SLC25A21: variants seen among roughly 807,000 people sequenced by gnomAD.
The protein encoded by SLC25A21 is mitochondrial 2-oxodicarboxylate carrier.
SLC25A21 carries 47 observed loss-of-function variants against 43.8 expected under a neutral mutation model. That is an observed-to-expected ratio of 1.07 (90% CI 0.85 to 1.37). SLC25A21 has a LOEUF of 1.37. SLC25A21 is among the 40% of genes most tolerant of loss of function. SLC25A21 has a pLI of 0.00. For synonymous variants in SLC25A21, 131 were observed against 121.3 expected, an observed-to-expected ratio of 1.08 and a Z score of -0.52; for missense variants, 352 against 350.2, an observed-to-expected ratio of 1.00 and a Z score of -0.04.
At position 37,052,751 on chromosome 14, in the gene SLC25A21, G is replaced by T. The variant is rs533825284; in HGVS notation, c.70+119530C>A. 1.2e-4 allele frequency among the ~76,000 whole-genome samples: 18 copies of T among 152,060 alleles called. 1 individual carries two copies. In the South Asian group the frequency reaches 3.7e-3, roughly 32 times the overall value. On this transcript the variant is annotated intron_variant, in intron 1 of 9. Transcript: ENST00000331299. ...CCTCCCAGGTTCAAGCGATTCTTGT[G>T]CCTCAGCCTCCAGAGTAGCTGGAAT...
At chr14:36,759,801 C>T (rs1184528411) in intron 3 of SLC25A21, 2 of 152,216 alleles carry the variant, frequency 1.3e-5, no homozygotes, top group African/African-American at 4.8e-5. Context: ...AACCCCGTCT[C>T]TATTAAAAAT....
At chr14:37,070,066 T>C (rs1962140666) in intron 1 of SLC25A21, among the ~76,000 whole-genome samples, 1 of 152,202 alleles carries the variant, frequency 6.6e-6, no homozygotes, top group South Asian at 2.1e-4. Flanking sequence ...ATTTCATTCA[T>C]GTGTCTCCTT....
intron 7 of SLC25A21, 118 bp from the exon 8 acceptor site, chr14:36,685,043 T>A (rs1882475546): frequency 1.4e-6 from 1 of 695,852 alleles, no homozygotes; most frequent in Non-Finnish European, 2.2e-6. Flanking sequence ...CCTCCTGTTA[T>A]TCCAGCGGAA....
rs1891729191 is a variant in SLC25A21 at position 36,912,808 on chromosome 14, T to G, written c.71-37804A>C. On this transcript the variant is annotated intron_variant, in intron 1 of 9. Coordinates refer to ENST00000331299, the MANE Select transcript of SLC25A21 (RefSeq NM_030631.4). ...ACCCAGTCAAGTTAGGTGCCCATCTTATCTTGCACACAATGGATCACATTC... is the reference window on the plus strand; with the variant it reads ...ACCCAGTCAAGTTAGGTGCCCATCTGATCTTGCACACAATGGATCACATTC... 2.6e-5 allele frequency among the ~76,000 whole-genome samples: 4 copies of G among 152,322 alleles called. No individual in the cohort carries two copies. The South Asian group carries it at 8.3e-4, about 32-fold the overall frequency.
At chr14:37,163,496 A>G (rs923921344) in intron 1 of SLC25A21, among the ~76,000 whole-genome samples, 1 of 152,114 alleles carries the variant, frequency 6.6e-6, no homozygotes, top group Non-Finnish European at 1.5e-5. Flanking sequence ...AAACATAATA[A>G]AAGATATTAA....
intron 1 of SLC25A21, among the ~76,000 whole-genome samples, chr14:36,904,277 G>A (rs1891475019): frequency 6.6e-6 from 1 of 152,162 alleles, no homozygotes; most frequent in Non-Finnish European, 1.5e-5. Context: ...GGGAGAATCT[G>A]AAATAAATCA....
At chr14:36,968,830 G>A (rs983115682) in intron 1 of SLC25A21, among the ~76,000 whole-genome samples, 5 of 152,156 alleles carry the variant, frequency 3.3e-5, no homozygotes, top group South Asian at 2.1e-4. Context: ...CTTTCCCAGG[G>A]AGAAGAGGCT....
chr14:36,729,119 T>A (rs952275408), intron 5 of SLC25A21, among the ~76,000 whole-genome samples: 1 of 152,244 alleles, frequency 6.6e-6, no homozygotes, highest in African/African-American at 2.4e-5. Context: ...TGAAGTCTTA[T>A]ATTTACTACA....
At chr14:36,684,991 T>C in intron 7 of SLC25A21, 66 bp from the exon 8 acceptor site, 1 of 1,295,720 alleles carries the variant, frequency 7.7e-7, no homozygotes, top group Non-Finnish European at 1.1e-6. Flanking sequence ...TTAAACACTA[T>C]AAAGCAATAT....
intron 3 of SLC25A21, among the ~76,000 whole-genome samples, chr14:36,777,941 G>A (rs1449812880): frequency 1.3e-5 from 2 of 152,084 alleles, no homozygotes; most frequent in Non-Finnish European, 2.9e-5. Context: ...CTATAACACT[G>A]AAGGTGCCCC....
chr14:37,129,994 G>C (rs1460207961), intron 1 of SLC25A21, among the ~76,000 whole-genome samples: 1 of 147,932 alleles, frequency 6.8e-6, no homozygotes, highest in Non-Finnish European at 1.5e-5. Context: ...GCATACAACT[G>C]TAATCCCAGC....
Position 36,680,638 on chromosome 14 carries a change from G to C in SLC25A21, c.*20C>G, listed in dbSNP as rs1882198004. ...AGCAAATATCCATTATCTCAAGGGG[G>C]AAAAACACTTCATAGGCAATCACCA... On this transcript the variant is annotated 3_prime_UTR_variant, in exon 10 of 10. Transcript: ENST00000331299. 2 of 1,610,198 alleles carry C rather than the reference G, an allele frequency of 1.2e-6. No homozygotes were observed. The highest frequency in any genetic ancestry group is 2.2e-5 in the East Asian group (1 of 44,742).
chr14:36,723,216 A>G (rs984715205), intron 6 of SLC25A21, among the ~76,000 whole-genome samples: 8 of 152,202 alleles, frequency 5.3e-5, no homozygotes, highest in African/African-American at 1.9e-4. Context: ...TTTTTCTCAG[A>G]CATTTTCTAC....
In SLC25A21 at chr14:36,737,386, C is replaced by T. The variant is rs537612036; in HGVS notation, c.204-2813G>A. Among the ~76,000 whole-genome samples, 40 of 152,224 alleles carry T rather than the reference C, an allele frequency of 2.6e-4. No homozygotes were observed. In the South Asian group the frequency reaches 4.1e-3, roughly 16 times the overall value. On this transcript the variant is annotated intron_variant, in intron 3 of 9. Coordinates refer to ENST00000331299, the MANE Select transcript of SLC25A21 (RefSeq NM_030631.4). ...TCCAGAGCCCTCTGCTTTGTGTTGA[C>T]GATGCTTCATTGATGTGCCCTACTT...
Position 37,112,587 on chromosome 14 carries a change from C to G in SLC25A21, c.70+59694G>C, listed in dbSNP as rs148548095. Reference sequence around the variant, plus strand: ...CTATACTTCGCAGAGTCCTTTGCAGCTAGGTGTGACCATATAACTAAGTTC... The same window carrying G: ...CTATACTTCGCAGAGTCCTTTGCAGGTAGGTGTGACCATATAACTAAGTTC... On this transcript the variant is annotated intron_variant, in intron 1 of 9. Coordinates refer to ENST00000331299, the MANE Select transcript of SLC25A21 (RefSeq NM_030631.4). Among the ~76,000 whole-genome samples, 846 of 152,274 alleles carry G rather than the reference C, an allele frequency of 5.6e-3. 36 individuals carry two copies. Among genetic ancestry groups the G allele is most frequent in the Admixed American group, 0.051 (787 of 15,286 alleles).
intron 3 of SLC25A21, among the ~76,000 whole-genome samples, chr14:36,767,099 T>C (rs1268394742): frequency 6.6e-6 from 1 of 152,238 alleles, no homozygotes; most frequent in African/African-American, 2.4e-5. Context: ...CTACAAGCTT[T>C]CTAATTTTAT....
At chr14:36,768,522 A>C (rs963240147) in intron 3 of SLC25A21, among the ~76,000 whole-genome samples, 1 of 152,132 alleles carries the variant, frequency 6.6e-6, no homozygotes, top group Non-Finnish European at 1.5e-5. Context: ...AGGCTTTCTA[A>C]TTGTGGCTGC....
chr14:37,015,457 T>G (rs1028534129), intron 1 of SLC25A21, among the ~76,000 whole-genome samples: 3 of 152,018 alleles, frequency 2.0e-5, no homozygotes, highest in African/African-American at 4.8e-5. Context: ...GACATTTGGG[T>G]TGGTTCCAAG....
chr14:36,751,108 T>C (rs1484005640), intron 3 of SLC25A21, among the ~76,000 whole-genome samples: 1 of 152,216 alleles, frequency 6.6e-6, no homozygotes, highest in East Asian at 1.9e-4. Context: ...AACCAGATTA[T>C]TGTCTTGCCT....
Sources: allele counts gnomAD v4.1 joint callset (sites outside exome capture counted in the v4.1 genomes callset), GRCh38; gene constraint gnomAD v4.1.1; transcripts MANE v1.5; gene names NCBI Gene and HGNC (gene_info 2026-07-23, HGNC 2026-07-21).